Variants in NSG1 observed in about 807,000 individuals in gnomAD.
NSG1 encodes neuronal vesicle trafficking associated 1.
Under a neutral mutation model 19.3 loss-of-function variants are expected in NSG1, and 9 were observed. That is an observed-to-expected ratio of 0.47 (90% CI 0.28 to 0.81). The LOEUF is 0.81. Ranked by LOEUF, NSG1 falls within the 40% of genes least tolerant of loss-of-function variation. The pLI, the probability that NSG1 is intolerant of heterozygous loss-of-function variation, is 0.11. For missense variants in NSG1, 236 were observed against 242.4 expected (o/e 0.97, Z 0.18); for synonymous variants, 104 against 107.0 (o/e 0.97, Z 0.17).
At chr4:4,390,180 AG>A (rs1210718415) in intron 2 of NSG1, among the ~76,000 whole-genome samples, 2 of 152,156 alleles carry the variant, frequency 1.3e-5, no homozygotes, top group African/African-American at 4.8e-5. Flanking sequence ...TCGGGGTTTG[AG>A]GATGGCAGGG....
chr4:4,393,003 TGGG>T (rs1001690722), intron 3 of NSG1, among the ~76,000 whole-genome samples: 1 of 152,112 alleles, frequency 6.6e-6, no homozygotes, highest in Non-Finnish European at 1.5e-5. Context: ...CGCTGGCCAG[TGGG>T]ATTAGCGCGT....
At chr4:4,404,290 A>G (rs1334337760) in intron 3 of NSG1, among the ~76,000 whole-genome samples, 1 of 152,202 alleles carries the variant, frequency 6.6e-6, no homozygotes, top group Non-Finnish European at 1.5e-5. Flanking sequence ...AGCCTGCAAC[A>G]TTGTGTGGGA....
At chr4:4,415,824 C>T (rs7691887) in intron 4 of NSG1, 52,870 of 395,154 alleles carry the variant, frequency 0.13, 3,911 homozygotes, top group African/African-American at 0.19. Flanking sequence ...TGAGGGATGA[C>T]GAGCAGCAGA....
intron 2 of NSG1, among the ~76,000 whole-genome samples, chr4:4,391,250 C>T (rs779097653): frequency 5.9e-5 from 9 of 152,178 alleles, no homozygotes; most frequent in Non-Finnish European, 1.2e-4. Flanking sequence ...CTGTGCCCCT[C>T]GGTTATAATA....
At chr4:4,399,653 C>T (rs1373060623) in intron 3 of NSG1, among the ~76,000 whole-genome samples, 3 of 151,928 alleles carry the variant, frequency 2.0e-5, no homozygotes, top group African/African-American at 7.3e-5. Flanking sequence ...ATTTTTTCTT[C>T]TATTGCTTGT....
Position 4,416,174 on chromosome 4 carries a change from G to A in NSG1, c.358-1061G>A, listed in dbSNP as rs1315098588. Reference sequence around the variant, plus strand: ...TTATAGGTGAGGGACCTGAGATTGAGAGAGAAAACACTCCGCACGTGAACT... The same window carrying A: ...TTATAGGTGAGGGACCTGAGATTGAAAGAGAAAACACTCCGCACGTGAACT... On this transcript the variant is annotated intron_variant, in intron 4 of 4. Coordinates refer to ENST00000621129, the MANE Select transcript of NSG1 (RefSeq NM_014392.5). 8 of 702,450 alleles carry A rather than the reference G, an allele frequency of 1.1e-5. No homozygotes were observed. In the South Asian group the frequency reaches 1.2e-4, roughly 10 times the overall value. 43.5% of individuals were successfully genotyped at this position (702,450 alleles called of 1,614,324 possible). A position where few individuals can be genotyped will look rare whatever the true frequency, so the allele number is the denominator to read the frequency against.
chr4:4,409,550 G>A (rs371406225), intron 3 of NSG1, 23 bp from the exon 4 acceptor site: 2 of 1,596,148 alleles, frequency 1.3e-6, no homozygotes, highest in African/African-American at 2.7e-5. Flanking sequence ...GGCCACCCCT[G>A]ACAGTCCCAC....
chr4:4,417,206 C>T (rs773812080), intron 4 of NSG1, 29 bp from the exon 5 acceptor site: 20 of 1,602,586 alleles, frequency 1.2e-5, no homozygotes, highest in African/African-American at 1.2e-4. Context: ...TGCACCGACG[C>T]GTGCTCTCAG....
chr4:4,387,895 C>G, intron 2 of NSG1, 137 bp downstream of exon 2: 1 of 733,852 alleles, frequency 1.4e-6, no homozygotes, highest in East Asian at 2.7e-5. Context: ...GGGAGCGCGG[C>G]GAGGACAGTG....
At chr4:4,406,096 T>G (rs1003301381) in intron 3 of NSG1, among the ~76,000 whole-genome samples, 16 of 152,242 alleles carry the variant, frequency 1.1e-4, no homozygotes, top group African/African-American at 3.4e-4. Context: ...GGCGCGATCT[T>G]GGCTCACTGC....
At position 4,417,706 on chromosome 4, in the gene NSG1, T is replaced by C. The variant is rs1724656800; in HGVS notation, c.*271T>C. 2 of 471,152 alleles carry C rather than the reference T, an allele frequency of 4.2e-6. No homozygotes were observed. Among genetic ancestry groups the C allele is most frequent in the Non-Finnish European group, 7.7e-6 (2 of 259,670 alleles). The allele number at this position is 471,152 out of a possible 1,614,324, so 29.2% of individuals were successfully genotyped here. On this transcript the variant is annotated 3_prime_UTR_variant, in exon 5 of 5. Transcript: ENST00000621129. ...TCCTTTACTGGGATTTATTGGATGC[T>C]GTAAAAAAATAAATTTACACTGGAT...
At chr4:4,392,270 G>T (rs1382649226) in intron 3 of NSG1, among the ~76,000 whole-genome samples, 1 of 152,076 alleles carries the variant, frequency 6.6e-6, no homozygotes, top group African/African-American at 2.4e-5. Flanking sequence ...AGGCCACGTT[G>T]GTTGAAGAAC....
At chr4:4,394,941 C>G (rs1019334055) in intron 3 of NSG1, among the ~76,000 whole-genome samples, 1 of 152,214 alleles carries the variant, frequency 6.6e-6, no homozygotes, top group Non-Finnish European at 1.5e-5. Flanking sequence ...AGACAGGTGA[C>G]CTGCTCAAGA....
chr4:4,390,869 T>C (rs1035281026), intron 2 of NSG1, among the ~76,000 whole-genome samples: 13 of 151,720 alleles, frequency 8.6e-5, no homozygotes, highest in African/African-American at 2.7e-4. Flanking sequence ...ATCGTTCTGC[T>C]TCACAGTAGG....
chr4:4,390,395 TC>T (rs1382122540), intron 2 of NSG1, among the ~76,000 whole-genome samples: 1 of 152,206 alleles, frequency 6.6e-6, no homozygotes, highest in Non-Finnish European at 1.5e-5. Context: ...CTGTTCTTTC[TC>T]CCCAAGGCTG....
At chr4:4,401,191 T>C (rs1723529042) in intron 3 of NSG1, among the ~76,000 whole-genome samples, 1 of 152,228 alleles carries the variant, frequency 6.6e-6, no homozygotes, top group African/African-American at 2.4e-5. Flanking sequence ...GTGATGTAAA[T>C]TTCGGGATAA....
intron 4 of NSG1, among the ~76,000 whole-genome samples, chr4:4,411,006 C>A (rs762797287): frequency 1.3e-5 from 2 of 152,034 alleles, no homozygotes; most frequent in Non-Finnish European, 2.9e-5. Flanking sequence ...TATAGGTGTG[C>A]GCCACCACCC....
At position 4,417,538 on chromosome 4, in the gene NSG1, T is replaced by G; in HGVS notation, c.*103T>G. ...TACTGATACTTTAGAGGTTACTCAT[T>G]TACGGTGCAATTGCTTCTGTTTGCT... On this transcript the variant is annotated 3_prime_UTR_variant, in exon 5 of 5. Transcript: ENST00000621129. 1 of 1,173,316 alleles carries G rather than the reference T, an allele frequency of 8.5e-7. No individual in the cohort carries two copies. The highest frequency in any genetic ancestry group is 1.2e-6 in the Non-Finnish European group (1 of 820,742). The allele number at this position is 1,173,316 out of a possible 1,614,324, so 72.7% of individuals were successfully genotyped here. A position where few individuals can be genotyped will look rare whatever the true frequency, so the allele number is the denominator to read the frequency against.
At chr4:4,414,153 G>A (rs897794467) in intron 4 of NSG1, among the ~76,000 whole-genome samples, 3 of 152,064 alleles carry the variant, frequency 2.0e-5, no homozygotes, top group Admixed American at 2.0e-4. Flanking sequence ...CAGGGAGGAG[G>A]GGGTGGCTAA....
Sources: gnomAD v4.1 joint callset for allele counts (sites outside exome capture counted in the v4.1 genomes callset) on GRCh38, gnomAD v4.1.1 for gene constraint, MANE v1.5 for transcripts, NCBI Gene and HGNC (gene_info 2026-07-23, HGNC 2026-07-21) for gene names.